CDH8: variants seen among roughly 807,000 people sequenced by gnomAD.
The protein encoded by CDH8 is cadherin 8.
CDH8 carries 17 observed loss-of-function variants against 68.1 expected under a neutral mutation model. That is an observed-to-expected ratio of 0.25 (90% CI 0.17 to 0.37). The LOEUF (loss-of-function observed/expected upper bound fraction) is 0.37, where lower values mean the gene tolerates loss of function less well. CDH8 is among the 10% of genes least tolerant of loss of function. CDH8 has a pLI of 1.00. For missense variants in CDH8, 763 were observed against 999.3 expected, an observed-to-expected ratio of 0.76 and a Z score of 3.19; for synonymous variants, 372 against 365.1, an observed-to-expected ratio of 1.02 and a Z score of -0.21.
intron 8 of CDH8, among the ~76,000 whole-genome samples, chr16:61,740,068 C>T (rs762672982): frequency 2.0e-5 from 3 of 151,454 alleles, no homozygotes; most frequent in Non-Finnish European, 4.4e-5. Flanking sequence ...CCACCACGCC[C>T]GGCTAATTTT....
At chr16:61,857,006 T>C (rs779124388) in intron 4 of CDH8, 113 bp downstream of exon 4, 654 of 1,230,510 alleles carry the variant, frequency 5.3e-4, no homozygotes, top group Non-Finnish European at 7.2e-4. Flanking sequence ...TCAAATATTA[T>C]TGATGCAGGC....
At chr16:61,942,390 A>T (rs1183395947) in intron 2 of CDH8, among the ~76,000 whole-genome samples, 1 of 152,184 alleles carries the variant, frequency 6.6e-6, no homozygotes, top group Admixed American at 6.5e-5. Flanking sequence ...CTAGCTGCTC[A>T]GAAGGCTGAG....
At chr16:61,754,613 A>G (rs1172814653) in intron 8 of CDH8, among the ~76,000 whole-genome samples, 1 of 152,120 alleles carries the variant, frequency 6.6e-6, no homozygotes, top group African/African-American at 2.4e-5. Flanking sequence ...CAGGATATCC[A>G]TTATCTCAAA....
At chr16:62,017,752 C>T (rs961159936) in intron 2 of CDH8, among the ~76,000 whole-genome samples, 16 of 152,000 alleles carry the variant, frequency 1.1e-4, no homozygotes, top group Admixed American at 7.9e-4. Flanking sequence ...TGCTTCTGAC[C>T]GAGGGAAGCA....
intron 8 of CDH8, among the ~76,000 whole-genome samples, chr16:61,787,261 C>T (rs1335239233): frequency 5.4e-5 from 8 of 148,244 alleles, no homozygotes; most frequent in Admixed American, 3.3e-4. Context: ...ACAAACAACC[C>T]CATCAAAAAG....
intron 8 of CDH8, among the ~76,000 whole-genome samples, chr16:61,779,464 TGC>T (rs370998382): frequency 6.1e-4 from 87 of 141,540 alleles, no homozygotes; most frequent in African/African-American, 1.9e-3. Context: ...TGTGTGTGTG[TGC>T]GCGCATGGTG....
chr16:61,880,083 G>A lies in CDH8; in HGVS notation c.547+21096C>T, dbSNP rs1435629780. On this transcript the variant is annotated intron_variant, in intron 3 of 11. Coordinates refer to ENST00000577390, the MANE Select transcript of CDH8 (RefSeq NM_001796.5). ...TGGGACTACAGGCGCCCACCACCAC[G>A]CCCTGCTAATTTTTGTATTTTTAGT... Among the ~76,000 whole-genome samples, 3 of 151,936 alleles carry A rather than the reference G, an allele frequency of 2.0e-5. No homozygotes were observed. The East Asian group carries it at 5.8e-4, about 30-fold the overall frequency.
At chr16:61,945,223 T>C (rs1964782346) in intron 2 of CDH8, among the ~76,000 whole-genome samples, 3 of 152,194 alleles carry the variant, frequency 2.0e-5, no homozygotes, top group Admixed American at 6.5e-5. Context: ...AGATTATCCA[T>C]ACAACAGGGT....
Position 61,821,091 on chromosome 16 carries a change from C to T in CDH8, c.858G>A (p.Pro286=), listed in dbSNP as rs182424612. 38 of 1,611,542 alleles carry T rather than the reference C, an allele frequency of 2.4e-5. No homozygotes were observed. Among genetic ancestry groups the T allele is most frequent in the East Asian group, 1.3e-4 (6 of 44,804 alleles). Residue 286 remains proline (P), a synonymous_variant, in exon 6 of 12, where the codon CCG becomes CCA. Coordinates refer to ENST00000577390, the MANE Select transcript of CDH8 (RefSeq NM_001796.5). ...FAQSLYHFSV[P]EDVVLGTAIG... ...TTGCAGTGCCAAGAACCACATCTTC[C>T]GGTACTGAGAAGTGATACAGGCCTT...
chr16:61,906,267 G>A (rs1964060242), intron 2 of CDH8, among the ~76,000 whole-genome samples: 1 of 152,118 alleles, frequency 6.6e-6, no homozygotes, highest in Admixed American at 6.6e-5. Flanking sequence ...AAAGAGAAAG[G>A]GGAGGTCAGG....
intron 9 of CDH8, among the ~76,000 whole-genome samples, chr16:61,722,523 T>C (rs1959231025): frequency 6.6e-6 from 1 of 150,856 alleles, no homozygotes; most frequent in South Asian, 2.1e-4. Flanking sequence ...ACAATTAGCA[T>C]CTTGTAGATG....
intron 8 of CDH8, among the ~76,000 whole-genome samples, chr16:61,730,749 A>C (rs529773157): frequency 3.5e-4 from 53 of 151,702 alleles, no homozygotes; most frequent in Non-Finnish European, 6.9e-4. Flanking sequence ...TAAACTGTTT[A>C]CTCTGCACTG....
intron 3 of CDH8, among the ~76,000 whole-genome samples, chr16:61,867,727 G>A (rs1022551754): frequency 3.9e-5 from 6 of 152,066 alleles, no homozygotes; most frequent in African/African-American, 1.2e-4. Context: ...CCATTTCTGT[G>A]ATTCCACAAC....
intron 3 of CDH8, 56 bp downstream of exon 3, chr16:61,901,123 A>C: frequency 2.1e-6 from 3 of 1,425,896 alleles, no homozygotes; most frequent in African/African-American, 1.4e-5. Flanking sequence ...CCTTGATGCC[A>C]GGAGCTATTC....
intron 8 of CDH8, among the ~76,000 whole-genome samples, chr16:61,731,908 A>G (rs529117372): frequency 6.6e-6 from 1 of 151,940 alleles, no homozygotes; most frequent in East Asian, 1.9e-4. Flanking sequence ...AGTAGAGAAT[A>G]TCAATAAAAA....
At chr16:61,801,831 G>C (rs192784667) in intron 7 of CDH8, among the ~76,000 whole-genome samples, 3,074 of 152,232 alleles carry the variant, frequency 0.02, 50 homozygotes, top group Non-Finnish European at 0.027. Context: ...ACGGAGTCTC[G>C]CTGATTTCTA....
At chr16:61,724,707 T>A (rs1959293808) in intron 9 of CDH8, among the ~76,000 whole-genome samples, 1 of 150,836 alleles carries the variant, frequency 6.6e-6, no homozygotes, top group Non-Finnish European at 1.5e-5. Context: ...TCATTCGGTT[T>A]TTTGACATTT....
intron 3 of CDH8, among the ~76,000 whole-genome samples, chr16:61,879,460 A>T (rs2143112969): frequency 6.6e-6 from 1 of 152,328 alleles, no homozygotes. Context: ...AAGGCAATGC[A>T]GATCCGGTTG....
chr16:61,653,130 C>T lies in CDH8; in HGVS notation c.*478G>A. On this transcript the variant is annotated 3_prime_UTR_variant, in exon 12 of 12. Coordinates refer to ENST00000577390, the MANE Select transcript of CDH8 (RefSeq NM_001796.5). ...CCAAAAAGTTATAATGTACAGCAGA[C>T]CAAGTATTGCTTTATCATTTGTGGC... 1 of 1,240,992 alleles carries T rather than the reference C, an allele frequency of 8.1e-7. No homozygotes were observed. Among genetic ancestry groups the T allele is most frequent in the Non-Finnish European group, 1.0e-6 (1 of 993,392 alleles). 76.9% of individuals were successfully genotyped at this position (1,240,992 alleles called of 1,614,324 possible).
Sources: allele counts gnomAD v4.1 joint callset (sites outside exome capture counted in the v4.1 genomes callset), GRCh38; gene constraint gnomAD v4.1.1; transcripts MANE v1.5; gene names NCBI Gene and HGNC (gene_info 2026-07-23, HGNC 2026-07-21).